Variants in DCHS2 observed in about 807,000 individuals in gnomAD.
DCHS2 encodes the protein protocadherin-23.
A neutral mutation model predicts 182.4 loss-of-function variants in DCHS2; 142 were observed. The observed-to-expected ratio is 0.78, with a 90% CI of 0.68 to 0.89. The LOEUF (loss-of-function observed/expected upper bound fraction) is 0.89. Among genes scored for constraint, DCHS2 ranks in the 40% least tolerant of loss-of-function variants. The pLI, the probability that DCHS2 is intolerant of heterozygous loss-of-function variation, is 0.00. For synonymous variants in DCHS2, 1,740 were observed against 1,663.3 expected, an observed-to-expected ratio of 1.05 and a Z score of -1.12; for missense variants, 4,319 against 4,198.6, an observed-to-expected ratio of 1.03 and a Z score of -0.79.
At chr4:154,325,699 C>T (rs1405051640) in intron 7 of DCHS2, among the ~76,000 whole-genome samples, 3 of 152,142 alleles carry the variant, frequency 2.0e-5, no homozygotes, top group Non-Finnish European at 1.5e-5. Flanking sequence ...CTCACTACCT[C>T]TGTATAATCC....
intron 16 of DCHS2, among the ~76,000 whole-genome samples, chr4:154,250,207 A>C (rs1732285059): frequency 6.6e-6 from 1 of 152,088 alleles, no homozygotes; most frequent in Non-Finnish European, 1.5e-5. Context: ...AGTGATTCTA[A>C]TGCAAACATA....
chr4:154,236,379 C>T lies in DCHS2; in HGVS notation c.8273G>A (p.Ser2758Asn), dbSNP rs6824133. 7.9e-3 allele frequency: 12,678 copies of T among 1,614,012 alleles called. 778 individuals carry two copies. The African/African-American group carries it at 0.14, about 18-fold the overall frequency. ...KHFSFAVVFV[S>N]VLDDNDHAPQ... is the part of the protein sequence containing the mutation. ...TGCATGGTCGTTATCATCCAGGACA[C>T]TGACAAACACAACTGCAAAAGAAAA... The change falls in exon 20 of 20, where the codon AGT becomes AAT. Residue 2758 changes from serine (S) to asparagine (N), a missense_variant. By Grantham distance (46) the Ser-to-Asn change is conservative. Transcript: ENST00000357232.
At position 154,308,253 on chromosome 4, in the gene DCHS2, TA is replaced by T. The variant is rs761910625; in HGVS notation, c.5261-3023del. 3.0e-3 allele frequency among the ~76,000 whole-genome samples: 398 copies of T among 134,686 alleles called. 1 individual carries two copies. The highest frequency in any genetic ancestry group is 7.2e-3 in the Middle Eastern group (2 of 278). The allele number at this position is 134,686 out of a possible 152,430, so 88.4% of individuals were successfully genotyped here. A position where few individuals can be genotyped will look rare whatever the true frequency, so the allele number is the denominator to read the frequency against. ...TGGCATCATATATGGCTGACCAATT[TA>T]AAAAAAAAAAACAAAAAACAAAGAA... On this transcript the variant is annotated intron_variant, in intron 10 of 19. Transcript: ENST00000357232.
intron 1 of DCHS2, among the ~76,000 whole-genome samples, chr4:154,456,691 C>T (rs1040983564): frequency 2.0e-5 from 3 of 152,112 alleles, no homozygotes; most frequent in African/African-American, 7.2e-5. Flanking sequence ...AAAAGGTAGA[C>T]AACTTAAAAT....
chr4:154,428,624 A>G (rs17301482), intron 1 of DCHS2, among the ~76,000 whole-genome samples: 43,722 of 151,970 alleles, frequency 0.29, 7,894 homozygotes, highest in East Asian at 0.68. Context: ...TGAAAATGAA[A>G]AAAAGGAAAG....
chr4:154,410,766 T>C (rs1474033113), intron 1 of DCHS2, among the ~76,000 whole-genome samples: 2 of 152,114 alleles, frequency 1.3e-5, no homozygotes, highest in Non-Finnish European at 2.9e-5. Flanking sequence ...TTGACATCCA[T>C]GAAGTTCAAA....
At chr4:154,405,165 G>T (rs1844672) in intron 1 of DCHS2, among the ~76,000 whole-genome samples, 2 of 151,956 alleles carry the variant, frequency 1.3e-5, no homozygotes, top group African/African-American at 2.4e-5. Context: ...CAGGAAAATC[G>T]CTTGAACCTG....
Position 154,489,458 on chromosome 4 carries a change from A to G in DCHS2, c.1898T>C (p.Val633Ala). ...GGGCTCTCCGAGGTCCTGGGCCACC[A>G]CTTTCAGCTCCACCGCCTCCTGGAC... ...REVQEAVELKVVAQDLGEPPL... is the reference protein window; with the variant it reads ...REVQEAVELKAVAQDLGEPPL... The change falls in exon 1 of 20, where the codon GTG becomes GCG. Residue 633 changes from valine to alanine, a missense_variant. Val to Ala is a moderately conservative substitution (Grantham distance 64). Coordinates refer to ENST00000357232, the MANE Select transcript of DCHS2 (RefSeq NM_001358235.2). 1 of 1,551,674 alleles carries G rather than the reference A, an allele frequency of 6.4e-7. No individual in the cohort carries two copies. The highest frequency in any genetic ancestry group is 8.7e-7 in the Non-Finnish European group (1 of 1,146,978).
intron 14 of DCHS2, among the ~76,000 whole-genome samples, chr4:154,260,318 T>C (rs1732928716): frequency 6.6e-6 from 1 of 152,144 alleles, no homozygotes; most frequent in African/African-American, 2.4e-5. Flanking sequence ...ACCTGGGAGC[T>C]ATCTCTCTCC....
chr4:154,262,821 C>A (rs188504149), intron 14 of DCHS2, among the ~76,000 whole-genome samples: 34 of 152,266 alleles, frequency 2.2e-4, no homozygotes, highest in Admixed American at 9.2e-4. Flanking sequence ...TTTTGTTTTG[C>A]GCCACTCTAA....
chr4:154,470,839 T>A (rs577591528), intron 1 of DCHS2, among the ~76,000 whole-genome samples: 80 of 152,290 alleles, frequency 5.3e-4, no homozygotes, highest in Non-Finnish European at 9.0e-4. Context: ...CCACCATACT[T>A]TTCCCTTTGT....
intron 3 of DCHS2, among the ~76,000 whole-genome samples, chr4:154,336,730 C>T (rs1728831160): frequency 1.3e-5 from 2 of 151,864 alleles, no homozygotes; most frequent in African/African-American, 2.4e-5. Flanking sequence ...TCCTTTTTTC[C>T]CCAGCTTTAT....
Position 154,490,521 on chromosome 4 carries a change from G to T in DCHS2, c.835C>A (p.Leu279Ile). The T allele has an allele frequency of 6.5e-7, 1 of 1,537,980 alleles. No homozygotes were observed. The highest frequency in any genetic ancestry group is 8.7e-7 in the Non-Finnish European group (1 of 1,146,374). ...AGCACGCGCAGCTCCACGCTCAGGA[G>T]GCCGGTGCGCCGGGGTCGGCCGCCG... ...WDGGRPRRTG[L>I]LSVELRVLDE... is the part of the protein sequence containing the mutation. Residue 279 changes from leucine to isoleucine, a missense_variant, in exon 1 of 20, where the codon CTC becomes ATC. By Grantham distance (5) the Leu-to-Ile change is conservative. Transcript: ENST00000357232.
chr4:154,467,579 C>A (rs1318842723), intron 1 of DCHS2, among the ~76,000 whole-genome samples: 1 of 151,974 alleles, frequency 6.6e-6, no homozygotes, highest in Non-Finnish European at 1.5e-5. Context: ...AAAGTTTAAA[C>A]AATGTTTGTA....
Position 154,491,157 on chromosome 4 carries a change from AC to A in DCHS2, c.198del (p.Leu66PhefsTer8), listed in dbSNP as rs1336280208. 7 of 1,551,206 alleles carry A rather than the reference AC, an allele frequency of 4.5e-6. No homozygotes were observed. Among genetic ancestry groups the A allele is most frequent in the Non-Finnish European group, 6.1e-6 (7 of 1,146,706 alleles). On this transcript the variant is annotated frameshift_variant, in exon 1 of 20. Coordinates refer to ENST00000357232, the MANE Select transcript of DCHS2 (RefSeq NM_001358235.2). LOFTEE classifies it high-confidence loss of function. ...TCATCTACGGAAAGGGTGAGGTTGA[AC>A]AACTGGGCAGAGGAGCCCGAGGCCG... is the stretch of plus-strand genomic sequence containing the variant. ...LWAASGSSAQ[L>X]FNLTLSVDEG...
intron 1 of DCHS2, among the ~76,000 whole-genome samples, chr4:154,477,914 G>T (rs1021661033): frequency 6.6e-6 from 1 of 152,168 alleles, no homozygotes; most frequent in Non-Finnish European, 1.5e-5. Context: ...ATCCCAAATA[G>T]GGTGGGAAAT....
intron 17 of DCHS2, 85 bp from the exon 18 acceptor site, chr4:154,240,908 T>C: frequency 6.6e-7 from 1 of 1,510,506 alleles, no homozygotes; most frequent in South Asian, 1.3e-5. Context: ...CAAGTATTTT[T>C]ATTCTAAGTC....
In DCHS2 at chr4:154,488,898, GTGTC is replaced by G. The variant is rs1326557931; in HGVS notation, c.2052+402_2052+405del. Among the ~76,000 whole-genome samples, 138 of 13,974 alleles carry G rather than the reference GTGTC, an allele frequency of 9.9e-3. 2 individuals are homozygous for G. The highest frequency in any genetic ancestry group is 0.015 in the African/African-American group (133 of 9,068). 9.2% of individuals were successfully genotyped at this position (13,974 alleles called of 152,430 possible). A position where few individuals can be genotyped will look rare whatever the true frequency, so the allele number is the denominator to read the frequency against. ...CAAAAATATATATATGTGTGTGTGT[GTGTC>G]TGTGTGTGTGTGTGTGTGTGTGTGT... On this transcript the variant is annotated intron_variant, in intron 1 of 19. Coordinates refer to ENST00000357232, the MANE Select transcript of DCHS2 (RefSeq NM_001358235.2).
At chr4:154,311,179 G>A (rs554527717) in intron 10 of DCHS2, among the ~76,000 whole-genome samples, 15 of 152,212 alleles carry the variant, frequency 9.9e-5, no homozygotes, top group Non-Finnish European at 1.6e-4. Flanking sequence ...AAACTATGGG[G>A]ATTTAATAAA....
Sources: allele counts gnomAD v4.1 joint callset (sites outside exome capture counted in the v4.1 genomes callset), GRCh38; gene constraint gnomAD v4.1.1; transcripts MANE v1.5; gene names NCBI Gene and HGNC (gene_info 2026-07-23, HGNC 2026-07-21).